Variants in CARMIL1 observed in about 807,000 individuals in gnomAD.
The protein encoded by CARMIL1 is F-actin-uncapping protein LRRC16A.
A neutral mutation model predicts 177.1 loss-of-function variants in CARMIL1; 90 were observed. The observed-to-expected ratio is 0.51, with a 90% CI of 0.43 to 0.61. CARMIL1 has a LOEUF of 0.61. Ranked by LOEUF, CARMIL1 falls within the 20% of genes least tolerant of loss-of-function variation. The pLI, the probability that CARMIL1 is intolerant of heterozygous loss-of-function variation, is 0.00. For missense variants in CARMIL1, 1,380 were observed against 1,667.0 expected (o/e 0.83, Z 3.00); for synonymous variants, 577 against 606.2 (o/e 0.95, Z 0.71).
intron 29 of CARMIL1, among the ~76,000 whole-genome samples, chr6:25,580,095 C>T (rs1477330228): frequency 6.6e-6 from 1 of 152,160 alleles, no homozygotes. Flanking sequence ...GCCTGACCCT[C>T]CTCACTGGGT....
chr6:25,538,044 GTTT>G (rs1808483885), intron 25 of CARMIL1, 61 bp downstream of exon 25: 23 of 1,496,518 alleles, frequency 1.5e-5, no homozygotes, highest in Non-Finnish European at 1.8e-5. Context: ...ATAAAATTTA[GTTT>G]TAGAAACCAG....
At chr6:25,302,384 T>C (rs1488861601) in intron 2 of CARMIL1, among the ~76,000 whole-genome samples, 2 of 152,244 alleles carry the variant, frequency 1.3e-5, no homozygotes, top group African/African-American at 4.8e-5. Context: ...GTGCTTGGTT[T>C]CAAGGCCAGC....
chr6:25,473,194 C>T (rs1219850764), intron 11 of CARMIL1, among the ~76,000 whole-genome samples: 1 of 152,194 alleles, frequency 6.6e-6, no homozygotes, highest in African/African-American at 2.4e-5. Context: ...CACCTGACTG[C>T]ATCAGGCCCA....
chr6:25,322,662 CA>C (rs1171627475), intron 2 of CARMIL1, among the ~76,000 whole-genome samples: 1 of 152,208 alleles, frequency 6.6e-6, no homozygotes, highest in African/African-American at 2.4e-5. Flanking sequence ...GTACATTCTT[CA>C]GCCCAACTAG....
intron 20 of CARMIL1, among the ~76,000 whole-genome samples, chr6:25,511,492 TCAG>T (rs1805445136): frequency 6.6e-6 from 1 of 152,212 alleles, no homozygotes; most frequent in African/African-American, 2.4e-5. Flanking sequence ...GTCACCAGAC[TCAG>T]CTTTTCCAGT....
chr6:25,314,490 T>C (rs1048105264), intron 2 of CARMIL1, among the ~76,000 whole-genome samples: 4 of 131,578 alleles, frequency 3.0e-5, no homozygotes, highest in African/African-American at 9.6e-5. Flanking sequence ...AAAAAAATTA[T>C]ATATATACAC....
intron 16 of CARMIL1, among the ~76,000 whole-genome samples, chr6:25,499,934 A>T (rs1350659985): frequency 7.2e-5 from 11 of 152,220 alleles, no homozygotes; most frequent in Non-Finnish European, 1.5e-4. Flanking sequence ...TTTTACATTT[A>T]TGATGGGCTC....
In CARMIL1 at chr6:25,600,687, A is replaced by G; in HGVS notation, c.3493A>G (p.Ser1165Gly). 2 of 1,599,296 alleles carry G rather than the reference A, an allele frequency of 1.3e-6. No individual in the cohort carries two copies. The highest frequency in any genetic ancestry group is 1.7e-6 in the Non-Finnish European group (2 of 1,172,626). ...GRRYGVQVMG[S>G]GLLAEMKAKQ... ...GAGGTATGGGGTCCAGGTGATGGGCAGTGGTCTGCTGGCAGAGATGAAAGC... is the reference window on the plus strand; with the variant it reads ...GAGGTATGGGGTCCAGGTGATGGGCGGTGGTCTGCTGGCAGAGATGAAAGC... The change falls in exon 33 of 37, where the codon AGT becomes GGT. Residue 1165 changes from serine (S) to glycine (G), a missense_variant. Physicochemically the swap from Ser to Gly is moderately conservative, Grantham distance 56. Transcript: ENST00000329474.
intron 22 of CARMIL1, 96 bp downstream of exon 22, chr6:25,517,511 G>T: frequency 1.1e-6 from 1 of 899,630 alleles, no homozygotes. Context: ...ACTGTTTATT[G>T]GGGATCAGAA....
chr6:25,457,516 T>C (rs1562164857), intron 8 of CARMIL1, among the ~76,000 whole-genome samples: 2 of 152,280 alleles, frequency 1.3e-5, no homozygotes, highest in Middle Eastern at 3.4e-3. Context: ...CAGGAGGGAA[T>C]AGCTAATTTG....
At chr6:25,312,656 T>C (rs1230571496) in intron 2 of CARMIL1, among the ~76,000 whole-genome samples, 2 of 152,106 alleles carry the variant, frequency 1.3e-5, no homozygotes, top group African/African-American at 2.4e-5. Flanking sequence ...ACTTTCTTTT[T>C]AGAGTTTATA....
At chr6:25,297,789 C>T (rs941294502) in intron 2 of CARMIL1, among the ~76,000 whole-genome samples, 2 of 152,174 alleles carry the variant, frequency 1.3e-5, no homozygotes, top group African/African-American at 2.4e-5. Context: ...TTCATGCTCA[C>T]GTCGTTTTTT....
intron 2 of CARMIL1, among the ~76,000 whole-genome samples, chr6:25,304,993 G>C (rs891670980): frequency 6.6e-6 from 1 of 152,104 alleles, no homozygotes; most frequent in Admixed American, 6.5e-5. Context: ...CTGCTGGCTG[G>C]GTTTGTTACT....
At chr6:25,489,399 C>T (rs114418699) in intron 13 of CARMIL1, among the ~76,000 whole-genome samples, 444 of 152,126 alleles carry the variant, frequency 2.9e-3, no homozygotes, top group African/African-American at 0.01. Context: ...GCCATTTCTT[C>T]GGAGTTTGAA....
At chr6:25,296,331 C>T (rs774871731) in intron 2 of CARMIL1, among the ~76,000 whole-genome samples, 1 of 152,190 alleles carries the variant, frequency 6.6e-6, no homozygotes, top group Non-Finnish European at 1.5e-5. Context: ...CTTGTGGAGC[C>T]CTGTCCTCCT....
At chr6:25,409,212 C>T (rs867984844) in intron 2 of CARMIL1, among the ~76,000 whole-genome samples, 5 of 152,172 alleles carry the variant, frequency 3.3e-5, no homozygotes, top group East Asian at 1.9e-4. Context: ...TGATGTGTTA[C>T]GAATAAGGCT....
At chr6:25,307,797 A>G (rs144693581) in intron 2 of CARMIL1, among the ~76,000 whole-genome samples, 1 of 152,142 alleles carries the variant, frequency 6.6e-6, no homozygotes, top group South Asian at 2.1e-4. Context: ...TTGGGGGACC[A>G]CTCTGCAGGC....
At chr6:25,582,525 C>A (rs1310639265) in intron 31 of CARMIL1, among the ~76,000 whole-genome samples, 1 of 152,160 alleles carries the variant, frequency 6.6e-6, no homozygotes, top group Non-Finnish European at 1.5e-5. Context: ...CCTTATAAGC[C>A]TGCCCTTCTC....
At chr6:25,553,973 T>G in intron 27 of CARMIL1, 36 bp from the exon 28 acceptor site, 1 of 1,404,168 alleles carries the variant, frequency 7.1e-7, no homozygotes, top group South Asian at 1.2e-5. Context: ...CTTGCACAAA[T>G]TAAAATGGTA....
Sources: gnomAD v4.1 joint callset for allele counts (sites outside exome capture counted in the v4.1 genomes callset) on GRCh38, gnomAD v4.1.1 for gene constraint, MANE v1.5 for transcripts, NCBI Gene and HGNC (gene_info 2026-07-23, HGNC 2026-07-21) for gene names.